APPBP2: variants seen among roughly 807,000 people sequenced by gnomAD.
APPBP2 encodes amyloid protein-binding protein 2.
A neutral mutation model predicts 76.0 loss-of-function variants in APPBP2; 15 were observed. The observed-to-expected ratio is 0.20, with a 90% CI of 0.13 to 0.30. The LOEUF (loss-of-function observed/expected upper bound fraction) is 0.30, where lower values mean the gene tolerates loss of function less well. APPBP2 is among the 10% of genes least tolerant of loss of function. APPBP2 has a pLI of 1.00. For synonymous variants in APPBP2, 222 were observed against 242.2 expected, an observed-to-expected ratio of 0.92 and a Z score of 0.77; for missense variants, 401 against 687.2, an observed-to-expected ratio of 0.58 and a Z score of 4.66.
At position 60,466,286 on chromosome 17, in the gene APPBP2, C is replaced by T; in HGVS notation, c.672+5G>A. 6.2e-7 allele frequency: 1 copy of T among 1,612,520 alleles called. No homozygotes were observed. Among genetic ancestry groups the T allele is most frequent in the Non-Finnish European group, 8.5e-7 (1 of 1,179,158 alleles). ...TCACAGTGAAATGTACCTTAAAACA[C>T]TTACCTCATCATAGTGACTTTTTGC... On this transcript the variant is annotated splice_donor_5th_base_variant and intron_variant, in intron 5 of 12. Transcript: ENST00000083182.
intron 1 of APPBP2, among the ~76,000 whole-genome samples, chr17:60,501,529 T>C (rs201641586): frequency 6.6e-6 from 1 of 152,022 alleles, no homozygotes; most frequent in East Asian, 1.9e-4. Context: ...CCCTAGTAGC[T>C]AGGATTACAG....
chr17:60,518,398 TGTAA>T (rs2090981501), intron 1 of APPBP2, among the ~76,000 whole-genome samples: 1 of 101,996 alleles, frequency 9.8e-6, no homozygotes, highest in Admixed American at 9.4e-5. Flanking sequence ...TGTGTGTGTG[TGTAA>T]GAGAGAGAGA....
At chr17:60,467,121 T>C (rs1251488362) in intron 4 of APPBP2, among the ~76,000 whole-genome samples, 1 of 152,160 alleles carries the variant, frequency 6.6e-6, no homozygotes, top group Non-Finnish European at 1.5e-5. Context: ...CTGTACAAGA[T>C]AGGCAAATAG....
At position 60,447,594 on chromosome 17, in the gene APPBP2, C is replaced by T. The variant is rs1176632936; in HGVS notation, c.1745G>A (p.Gly582Glu). Residue 582 changes from glycine (G) to glutamate (E), a missense_variant, in exon 13 of 13, where the codon GGA (glycine) becomes GAA (glutamate). By Grantham distance (98) the Gly-to-Glu change is moderately conservative (BLOSUM62 -2). Transcript: ENST00000083182. Reference sequence around the variant, plus strand: ...TGAGGTCCTCCCTCAGCAGCTCGGTCCCTCGACATTCTGAGAAATCAGGAA... The same window carrying T: ...TGAGGTCCTCCCTCAGCAGCTCGGTTCCTCGACATTCTGAGAAATCAGGAA... Reference protein sequence around the residue: ...QSFLISQNVEGPSC With the variant: ...QSFLISQNVEEPSC 6.2e-7 allele frequency: 1 copy of T among 1,612,712 alleles called. No homozygotes were observed. Among genetic ancestry groups the T allele is most frequent in the Admixed American group, 1.7e-5 (1 of 59,864 alleles).
chr17:60,443,536 C>T lies in APPBP2; in HGVS notation c.*4045G>A, dbSNP rs1186494505. On this transcript the variant is annotated 3_prime_UTR_variant, in exon 13 of 13. Coordinates refer to ENST00000083182, the MANE Select transcript of APPBP2 (RefSeq NM_006380.5). ...ACTGACCTGGTAATATTTAATAAAA[C>T]GTAGCATTCATTCACATCATAAAAG... 1 of 152,548 alleles carries T rather than the reference C, an allele frequency of 6.6e-6. No individual in the cohort carries two copies. Among genetic ancestry groups the T allele is most frequent in the Non-Finnish European group, 1.5e-5 (1 of 68,020 alleles). 9.4% of individuals were successfully genotyped at this position (152,548 alleles called of 1,614,324 possible). A position where few individuals can be genotyped will look rare whatever the true frequency, so the allele number is the denominator to read the frequency against.
chr17:60,453,148 T>G (rs1407797774), intron 11 of APPBP2, among the ~76,000 whole-genome samples: 5 of 152,178 alleles, frequency 3.3e-5, no homozygotes, highest in Non-Finnish European at 5.9e-5. Context: ...ATATTTGTCT[T>G]TTTTATTTAA....
At chr17:60,456,065 AC>A (rs991545757) in intron 10 of APPBP2, among the ~76,000 whole-genome samples, 3 of 152,118 alleles carry the variant, frequency 2.0e-5, no homozygotes, top group African/African-American at 7.2e-5. Flanking sequence ...GGCATAAGCC[AC>A]CCCATCCGGC....
intron 1 of APPBP2, among the ~76,000 whole-genome samples, chr17:60,517,664 T>G (rs983734285): frequency 2.0e-5 from 3 of 152,198 alleles, no homozygotes; most frequent in Non-Finnish European, 2.9e-5. Flanking sequence ...CTGTCTCACT[T>G]TTATCATAAT....
intron 3 of APPBP2, among the ~76,000 whole-genome samples, chr17:60,486,985 T>C (rs1045837450): frequency 2.0e-4 from 30 of 152,336 alleles, no homozygotes; most frequent in African/African-American, 7.0e-4. Flanking sequence ...AATTCTGGGT[T>C]GAAAATTCTT....
At position 60,515,112 on chromosome 17, in the gene APPBP2, A is replaced by ATT. The variant is rs746696162; in HGVS notation, c.138+10680_138+10681dup. Among the ~76,000 whole-genome samples, 371 of 106,206 alleles carry ATT rather than the reference A, an allele frequency of 3.5e-3. 4 individuals carry two copies. The highest frequency in any genetic ancestry group is 9.1e-3 in the African/African-American group (250 of 27,378). The allele number at this position is 106,206 out of a possible 152,430, so 69.7% of individuals were successfully genotyped here. A position where few individuals can be genotyped will look rare whatever the true frequency, so the allele number is the denominator to read the frequency against. ...AACCACTGCGCCTGGCCTATTTTAAATTTTTTTTTTTTTTTTTTTTTGAGA... is the reference window on the plus strand; with the variant it reads ...AACCACTGCGCCTGGCCTATTTTAAATTTTTTTTTTTTTTTTTTTTTTTGAGA... On this transcript the variant is annotated intron_variant, in intron 1 of 12. Transcript: ENST00000083182.
intron 2 of APPBP2, among the ~76,000 whole-genome samples, chr17:60,499,128 C>T (rs1239023778): frequency 1.3e-5 from 2 of 151,984 alleles, no homozygotes; most frequent in African/African-American, 4.8e-5. Context: ...CCCAGGAGTT[C>T]GAGACCAGCC....
At chr17:60,494,761 A>T in intron 2 of APPBP2, 144 bp from the exon 3 acceptor site, 1 of 744,542 alleles carries the variant, frequency 1.3e-6, no homozygotes, top group Non-Finnish European at 2.0e-6. Flanking sequence ...ATCAATTACA[A>T]GGCCATAATT....
intron 8 of APPBP2, 99 bp downstream of exon 8, chr17:60,461,711 G>T: frequency 3.7e-6 from 3 of 813,020 alleles, no homozygotes; most frequent in Non-Finnish European, 6.0e-6. Context: ...CGGGGTAGTT[G>T]TCAAAAAGTC....
chr17:60,509,578 G>A (rs746868325), intron 1 of APPBP2, among the ~76,000 whole-genome samples: 4 of 152,240 alleles, frequency 2.6e-5, no homozygotes, highest in South Asian at 2.1e-4. Context: ...CTAGGCAGGC[G>A]GATCACCTGA....
chr17:60,477,842 T>G (rs996546521), intron 4 of APPBP2, among the ~76,000 whole-genome samples: 2 of 151,278 alleles, frequency 1.3e-5, no homozygotes, highest in African/African-American at 4.9e-5. Context: ...AATTTTAGCT[T>G]AAAGCAACAA....
intron 1 of APPBP2, among the ~76,000 whole-genome samples, chr17:60,524,256 G>T (rs73330251): frequency 0.082 from 12,523 of 152,192 alleles, 1,701 homozygotes; most frequent in African/African-American, 0.28. Context: ...CATTCCCAAT[G>T]ATTTCCTCTG....
intron 1 of APPBP2, among the ~76,000 whole-genome samples, chr17:60,505,156 A>G (rs2090856152): frequency 6.6e-6 from 1 of 152,244 alleles, no homozygotes; most frequent in African/African-American, 2.4e-5. Flanking sequence ...AGATTACTGT[A>G]AAGGTTTGAT....
At chr17:60,496,603 A>G in intron 2 of APPBP2, among the ~76,000 whole-genome samples, 1 of 152,164 alleles carries the variant, frequency 6.6e-6, no homozygotes, top group East Asian at 1.9e-4. Context: ...GTTCTTATTT[A>G]TTAGATTTTT....
At chr17:60,449,244 C>T (rs1271010153) in intron 12 of APPBP2, among the ~76,000 whole-genome samples, 1 of 152,100 alleles carries the variant, frequency 6.6e-6, no homozygotes, top group East Asian at 1.9e-4. Context: ...AATAGGGAAC[C>T]CACATGTATA....
Sources: gnomAD v4.1 joint callset for allele counts (sites outside exome capture counted in the v4.1 genomes callset) on GRCh38, gnomAD v4.1.1 for gene constraint, MANE v1.5 for transcripts, NCBI Gene and HGNC (gene_info 2026-07-23, HGNC 2026-07-21) for gene names.